Variants in KIAA1328 observed in about 807,000 individuals in gnomAD.
KIAA1328 encodes the protein protein hinderin.
In KIAA1328, 52 loss-of-function variants were observed where a neutral mutation model predicts 68.1. That is an observed-to-expected ratio of 0.76 (90% CI 0.61 to 0.96). KIAA1328 has a LOEUF of 0.96. KIAA1328 is among the 40% of genes least tolerant of loss of function. The pLI, the probability that KIAA1328 is intolerant of heterozygous loss-of-function variation, is 0.00. For synonymous variants in KIAA1328, 232 were observed against 239.4 expected (o/e 0.97, Z 0.28); for missense variants, 641 against 677.6 (o/e 0.95, Z 0.60).
At chr18:37,157,117 C>G (rs2059169316) in intron 7 of KIAA1328, among the ~76,000 whole-genome samples, 2 of 152,028 alleles carry the variant, frequency 1.3e-5, no homozygotes, top group African/African-American at 4.8e-5. Context: ...ACAAGCAAGA[C>G]TGTTCAAAGA....
At chr18:37,229,610 T>G, downstream of KIAA1328, 1 of 1,261,424 alleles carries the variant, frequency 7.9e-7, no homozygotes, top group Non-Finnish European at 1.0e-6. Flanking sequence ...GCGCGGTGGC[T>G]TACACCTGTA....
At chr18:36,995,905 G>T (rs1301749223) in intron 6 of KIAA1328, among the ~76,000 whole-genome samples, 12 of 152,122 alleles carry the variant, frequency 7.9e-5, no homozygotes, top group Non-Finnish European at 1.0e-4. Flanking sequence ...TTCCACAAGG[G>T]ACAGAAGAAC....
chr18:37,127,743 T>G (rs915606439), intron 7 of KIAA1328, among the ~76,000 whole-genome samples: 1 of 152,168 alleles, frequency 6.6e-6, no homozygotes, highest in Non-Finnish European at 1.5e-5. Flanking sequence ...GTAAAATTTA[T>G]GTGGAAATAC....
At chr18:37,094,998 A>T (rs1386724923) in intron 7 of KIAA1328, among the ~76,000 whole-genome samples, 1 of 152,142 alleles carries the variant, frequency 6.6e-6, no homozygotes, top group African/African-American at 2.4e-5. Flanking sequence ...CATTAGATTA[A>T]TATAATGGTG....
intron 6 of KIAA1328, among the ~76,000 whole-genome samples, chr18:37,065,369 T>C (rs539992803): frequency 1.3e-5 from 2 of 152,342 alleles, no homozygotes; most frequent in South Asian, 4.1e-4. Context: ...TAGCTTTCAC[T>C]AAAGACTGAA....
chr18:37,038,773 T>C (rs948566320), intron 6 of KIAA1328, among the ~76,000 whole-genome samples: 5 of 152,200 alleles, frequency 3.3e-5, no homozygotes, highest in African/African-American at 1.2e-4. Flanking sequence ...ATATGTGTTT[T>C]GTTTCTGATC....
chr18:36,897,200 C>A (rs907087845), intron 5 of KIAA1328, among the ~76,000 whole-genome samples: 35 of 151,892 alleles, frequency 2.3e-4, no homozygotes, highest in African/African-American at 8.2e-4. Context: ...AATACAGAAT[C>A]CCAGGCTATT....
downstream of KIAA1328, chr18:37,225,379 T>G: frequency 5.7e-6 from 5 of 880,314 alleles, no homozygotes; most frequent in Non-Finnish European, 6.8e-6. Flanking sequence ...CCTCATCAGA[T>G]CAGTGAGGCA....
chr18:36,887,892 G>A (rs1277701913), intron 5 of KIAA1328, among the ~76,000 whole-genome samples: 1 of 152,198 alleles, frequency 6.6e-6, no homozygotes, highest in East Asian at 1.9e-4. Context: ...AAAGGTGAGA[G>A]AGATTGGTAG....
At position 36,902,584 on chromosome 18, in the gene KIAA1328, C is replaced by T. The variant is rs189518971; in HGVS notation, c.448+16912C>T. Among the ~76,000 whole-genome samples, 306 of 152,132 alleles carry T rather than the reference C, an allele frequency of 2.0e-3. 1 individual carries two copies. Among genetic ancestry groups the T allele is most frequent in the Non-Finnish European group, 2.0e-3 (137 of 67,958 alleles). ...AATAATTCTACATTATGTTTTATGACAGCTTCTCTGTATGTTTTTTGTAAA... is the reference window on the plus strand; with the variant it reads ...AATAATTCTACATTATGTTTTATGATAGCTTCTCTGTATGTTTTTTGTAAA... On this transcript the variant is annotated intron_variant, in intron 5 of 9. Transcript: ENST00000280020.
At chr18:36,887,935 G>A (rs1188705298) in intron 5 of KIAA1328, among the ~76,000 whole-genome samples, 1 of 152,162 alleles carries the variant, frequency 6.6e-6, no homozygotes, top group Non-Finnish European at 1.5e-5. Flanking sequence ...CACAATTAGA[G>A]TGGGCCCTTG....
intron 5 of KIAA1328, among the ~76,000 whole-genome samples, chr18:36,912,954 G>C (rs528203885): frequency 6.6e-6 from 1 of 152,290 alleles, no homozygotes; most frequent in Non-Finnish European, 1.5e-5. Flanking sequence ...GGAGTTACCT[G>C]TTTTAGTCAA....
At chr18:37,226,552 A>G (rs1395881390), downstream of KIAA1328, among the ~76,000 whole-genome samples, 6 of 151,334 alleles carry the variant, frequency 4.0e-5, no homozygotes, top group African/African-American at 1.5e-4. Context: ...ATCATATTCT[A>G]TGTGGTCTTC....
At chr18:36,998,180 G>T (rs2053463253) in intron 6 of KIAA1328, among the ~76,000 whole-genome samples, 1 of 152,144 alleles carries the variant, frequency 6.6e-6, no homozygotes, top group South Asian at 2.1e-4. Context: ...GGATCCTGGG[G>T]GTTGCCCAAC....
At chr18:37,161,865 A>G (rs764461280) in intron 8 of KIAA1328, among the ~76,000 whole-genome samples, 1 of 152,274 alleles carries the variant, frequency 6.6e-6, no homozygotes, top group Non-Finnish European at 1.5e-5. Context: ...CCACAGCAAC[A>G]GTAGAAAGCA....
intron 4 of KIAA1328, among the ~76,000 whole-genome samples, chr18:36,872,470 T>TGG (rs2047981305): frequency 6.6e-6 from 1 of 152,160 alleles, no homozygotes; most frequent in Admixed American, 6.5e-5. Flanking sequence ...AAGGAATATC[T>TGG]GGCCCACCTG....
intron 6 of KIAA1328, among the ~76,000 whole-genome samples, chr18:37,038,249 G>A (rs907216940): frequency 1.3e-5 from 2 of 152,154 alleles, no homozygotes; most frequent in Non-Finnish European, 2.9e-5. Context: ...TGATTTTTCA[G>A]GCTGCTTTTC....
intron 7 of KIAA1328, among the ~76,000 whole-genome samples, chr18:37,152,757 G>C (rs2059064711): frequency 6.6e-6 from 1 of 152,160 alleles, no homozygotes; most frequent in Non-Finnish European, 1.5e-5. Context: ...GGGCTAAAAA[G>C]AAATTATTTA....
chr18:37,043,969 A>G (rs1313818802), intron 6 of KIAA1328, among the ~76,000 whole-genome samples: 1 of 152,222 alleles, frequency 6.6e-6, no homozygotes, highest in Non-Finnish European at 1.5e-5. Flanking sequence ...ATGCAAAATC[A>G]TACAATAAAA....
Sources: allele counts gnomAD v4.1 joint callset (sites outside exome capture counted in the v4.1 genomes callset), GRCh38; gene constraint gnomAD v4.1.1; transcripts MANE v1.5; gene names NCBI Gene and HGNC (gene_info 2026-07-23, HGNC 2026-07-21).